The following SMURF2 variants were observed in gnomAD, a reference collection of about 807,000 sequenced individuals.
SMURF2 encodes the protein E3 ubiquitin-protein ligase SMURF2.
A neutral mutation model predicts 109.6 loss-of-function variants in SMURF2; 48 were observed. That is an observed-to-expected ratio of 0.44 (90% confidence interval 0.35 to 0.56). SMURF2 has a LOEUF of 0.56. Among genes scored for constraint, SMURF2 ranks in the 20% least tolerant of loss-of-function variants. The pLI is 0.01. For missense variants in SMURF2, 575 were observed against 909.0 expected (o/e 0.63, Z 4.72); for synonymous variants, 288 against 317.1 (o/e 0.91, Z 0.97).
chr17:64,561,545 A>G lies in SMURF2; in HGVS notation c.1271T>C (p.Ile424Thr), dbSNP rs782791805. The change falls in exon 12 of 19, where the codon ATA (isoleucine) becomes ACA (threonine). Residue 424 changes from isoleucine (I) to threonine (T), a missense_variant. By Grantham distance (89) the Ile-to-Thr change is moderately conservative. Transcript: ENST00000262435. ...RPKDLWKRLM[I>T]KFRGEEGLDY... Reference sequence around the variant, plus strand: ...AAGGCCTTCTTCTCCACGAAATTTTATCATTAATCGCTTCCAGAGATCTTT... The same window carrying G: ...AAGGCCTTCTTCTCCACGAAATTTTGTCATTAATCGCTTCCAGAGATCTTT... 8.1e-6 allele frequency: 13 copies of G among 1,613,912 alleles called. No homozygotes were observed. Among genetic ancestry groups the G allele is most frequent in the Non-Finnish European group, 9.3e-6 (11 of 1,180,026 alleles).
In SMURF2 at chr17:64,551,019, G is replaced by GA. The variant is rs200651298; in HGVS notation, c.1869+564dup. On this transcript the variant is annotated intron_variant, in intron 16 of 18. Transcript: ENST00000262435. ...AAGTCACGAAATCTGTTTAAAACAA[G>GA]AAAGTACAGGATAGAAAAATAAATT... 7.0e-3 allele frequency among the ~76,000 whole-genome samples: 1,061 copies of GA among 152,144 alleles called. 42 individuals carry two copies. The highest frequency in any genetic ancestry group is 0.055 in the Admixed American group (846 of 15,248).
chr17:64,571,815 G>T lies in SMURF2; in HGVS notation c.999C>A (p.Asn333Lys). The change falls in exon 10 of 19, where the codon AAC (asparagine) becomes AAA (lysine). Residue 333 changes from asparagine (N) to lysine (K), a missense_variant. Physicochemically the swap from Asn to Lys is moderately conservative, Grantham distance 94 (BLOSUM62 0). This residue lies in a region of SMURF2 where 361 missense variants were observed against 612.1 expected (regional missense o/e 0.59). Transcript: ENST00000262435. ...TQFTDPRLSA[N>K]LHLVLNRQNQ... ...AAACTTACTTTAAAACTAAATGCAA[G>T]TTAGCAGACAGCCGAGGATCTGTAA... is the stretch of plus-strand genomic sequence containing the variant. 1 of 1,609,896 alleles carries T rather than the reference G, an allele frequency of 6.2e-7. No homozygotes were observed. The highest frequency in any genetic ancestry group is 8.5e-7 in the Non-Finnish European group (1 of 1,178,488).
intron 1 of SMURF2, among the ~76,000 whole-genome samples, chr17:64,631,265 G>GA (rs1970335974): frequency 1.1e-4 from 1 of 8,810 alleles, no homozygotes. Context: ...GAGGTGGGGG[G>GA]GAGAGAGGGG....
chr17:64,582,674 C>T (rs1555686677), intron 7 of SMURF2, among the ~76,000 whole-genome samples: 3 of 152,224 alleles, frequency 2.0e-5, no homozygotes, highest in Admixed American at 6.5e-5. Flanking sequence ...TCTCGGCTCA[C>T]TGCAACCTCC....
At chr17:64,636,602 CAAAAAAAAAAAA>C (rs782425202) in intron 1 of SMURF2, among the ~76,000 whole-genome samples, 2 of 38,744 alleles carry the variant, frequency 5.2e-5, no homozygotes, top group Admixed American at 3.9e-4. Context: ...GACTCTGCCT[CAAAAAAAAAAAA>C]AAAAAAAAAA....
rs1214388552 is a variant in SMURF2, at chr17:64,554,962, T to C, written c.1642A>G (p.Thr548Ala). 3 of 1,613,688 alleles carry C rather than the reference T, an allele frequency of 1.9e-6. No homozygotes were observed. Among genetic ancestry groups the C allele is most frequent in the Non-Finnish European group, 2.5e-6 (3 of 1,179,754 alleles). Residue 548 changes from threonine to alanine, a missense_variant, in exon 15 of 19, where the codon ACC becomes GCC. Physicochemically the swap from Thr to Ala is moderately conservative, Grantham distance 58. Around this residue, in one of 5 missense-constraint regions of SMURF2, gnomAD observed 361 missense variants for 612.1 expected, o/e 0.59. Coordinates refer to ENST00000262435, the MANE Select transcript of SMURF2 (RefSeq NM_022739.4). ...ENDITGVLDH[T>A]FCVEHNAYGE... ...TATGCATTATGTTCAACACAGAAGG[T>C]ATGGTCCAAAACACCTGTAATATCA...
At chr17:64,602,105 G>T (rs1416658982) in intron 2 of SMURF2, among the ~76,000 whole-genome samples, 1 of 151,798 alleles carries the variant, frequency 6.6e-6, no homozygotes, top group Non-Finnish European at 1.5e-5. Context: ...TATGTTCTCA[G>T]TCACATGTGG....
At chr17:64,552,015 C>T (rs1209634463) in intron 15 of SMURF2, among the ~76,000 whole-genome samples, 3 of 152,208 alleles carry the variant, frequency 2.0e-5, no homozygotes, top group Non-Finnish European at 4.4e-5. Flanking sequence ...TCTTTCTAAA[C>T]TTACAGCATA....
At chr17:64,646,377 CTTTCTTTTTTTTTTTTTTT>C in intron 1 of SMURF2, among the ~76,000 whole-genome samples, 1 of 130,920 alleles carries the variant, frequency 7.6e-6, no homozygotes, top group South Asian at 2.4e-4. Context: ...TTTTTTTTTT[CTTTCTTTTTTTTTTTTTTT>C]AAATTGAGAC....
chr17:64,607,076 T>C (rs1204838337), intron 1 of SMURF2, among the ~76,000 whole-genome samples: 2 of 151,638 alleles, frequency 1.3e-5, no homozygotes, highest in South Asian at 2.1e-4. Flanking sequence ...TTTTTCTTTT[T>C]TTTTTTTTTT....
chr17:64,599,973 A>G (rs574702416), intron 2 of SMURF2, among the ~76,000 whole-genome samples: 147 of 152,340 alleles, frequency 9.6e-4, no homozygotes, highest in Non-Finnish European at 1.4e-3. Flanking sequence ...TGACCCAGTA[A>G]GAGAGGCTTA....
intron 1 of SMURF2, among the ~76,000 whole-genome samples, chr17:64,659,516 CT>C (rs60004963): frequency 0.17 from 22,508 of 135,474 alleles, 4,457 homozygotes; most frequent in African/African-American, 0.48. Flanking sequence ...AAAGAATCAA[CT>C]TTTTTTTTTT....
intron 15 of SMURF2, among the ~76,000 whole-genome samples, chr17:64,553,726 A>G (rs1555683818): frequency 6.6e-6 from 1 of 152,148 alleles, no homozygotes; most frequent in African/African-American, 2.4e-5. Flanking sequence ...CTTTCCCCGT[A>G]TTCGTTCAGT....
intron 8 of SMURF2, among the ~76,000 whole-genome samples, chr17:64,579,111 C>T (rs1267940400): frequency 6.6e-6 from 1 of 151,976 alleles, no homozygotes; most frequent in Non-Finnish European, 1.5e-5. Flanking sequence ...ATGTCATAAA[C>T]AGATAGAGAT....
At chr17:64,660,440 T>A (rs1407261398) in intron 1 of SMURF2, among the ~76,000 whole-genome samples, 1 of 152,180 alleles carries the variant, frequency 6.6e-6, no homozygotes, top group Non-Finnish European at 1.5e-5. Flanking sequence ...GGTTTTCCAT[T>A]AAGAATCACT....
intron 9 of SMURF2, among the ~76,000 whole-genome samples, chr17:64,574,871 A>G (rs1969466446): frequency 6.6e-6 from 1 of 152,184 alleles, no homozygotes; most frequent in South Asian, 2.1e-4. Flanking sequence ...GCCAGCTTAC[A>G]TACTATTCTT....
chr17:64,653,968 A>G (rs1970672732), intron 1 of SMURF2, among the ~76,000 whole-genome samples: 1 of 152,204 alleles, frequency 6.6e-6, no homozygotes, highest in Non-Finnish European at 1.5e-5. Context: ...AAGAAGCCTC[A>G]CCCAAAAGAC....
At chr17:64,601,897 G>T in intron 2 of SMURF2, among the ~76,000 whole-genome samples, 1 of 144,692 alleles carries the variant, frequency 6.9e-6, no homozygotes, top group South Asian at 2.2e-4. Flanking sequence ...AATTATATAT[G>T]TATATATTTA....
rs1968979792 is a variant in SMURF2 at position 64,547,751 on chromosome 17, G to T, written c.1920C>A (p.Asn640Lys). 6.2e-7 allele frequency: 1 copy of T among 1,614,082 alleles called. No individual in the cohort carries two copies. The highest frequency in any genetic ancestry group is 8.5e-7 in the Non-Finnish European group (1 of 1,180,042). ...CTGGTGTACAGTGTTTTAACCGGGT[G>T]TTTACCTTCCAGTCATTAACATCTA... ...GKIDVNDWKV[N>K]TRLKHCTPDS... is the part of the protein sequence containing the mutation. Residue 640 changes from asparagine (N) to lysine (K), a missense_variant, in exon 17 of 19, where the codon AAC (asparagine) becomes AAA (lysine). Asn to Lys is a moderately conservative substitution (Grantham distance 94). Transcript: ENST00000262435. This position sits in a 1 kb window ranked among gnomAD's most constrained non-coding sequence, Gnocchi z 4.2.
Sources: gnomAD v4.1 joint callset for allele counts (sites outside exome capture counted in the v4.1 genomes callset) on GRCh38, gnomAD v4.1.1 for gene constraint, gnomAD v4.1.1 regional missense constraint, Gnocchi (gnomAD v3.1) non-coding constraint, MANE v1.5 for transcripts, NCBI Gene and HGNC (gene_info 2026-07-23, HGNC 2026-07-21) for gene names.